The following AARS1 variants were observed in gnomAD, a reference collection of about 807,000 sequenced individuals.
AARS1 encodes the protein alanyl-tRNA synthetase 1.
AARS1 carries 72 observed loss-of-function variants against 108.9 expected under a neutral mutation model. The observed-to-expected ratio is 0.66, with a 90% confidence interval of 0.55 to 0.80. The LOEUF (loss-of-function observed/expected upper bound fraction) is 0.80. AARS1 is among the 30% of genes least tolerant of loss of function. The pLI is 0.00. For missense variants in AARS1, 1,193 were observed against 1,233.2 expected, an observed-to-expected ratio of 0.97 and a Z score of 0.49; for synonymous variants, 489 against 465.7, an observed-to-expected ratio of 1.05 and a Z score of -0.64.
At chr16:70,256,098 A>G (rs533662867) in intron 15 of AARS1, among the ~76,000 whole-genome samples, 17 of 152,308 alleles carry the variant, frequency 1.1e-4, no homozygotes, top group Non-Finnish European at 2.4e-4. Context: ...CTAATATCCA[A>G]TACAGTCTTA....
rs748667794 is a variant in AARS1, at chr16:70,270,327, T to C, written c.685A>G (p.Ile229Val). 3 of 1,614,166 alleles carry C rather than the reference T, an allele frequency of 1.9e-6. No homozygotes were observed. Among genetic ancestry groups the C allele is most frequent in the South Asian group, 1.1e-5 (1 of 91,086 alleles). The change falls in exon 6 of 21, where the codon ATT (isoleucine) becomes GTT (valine). Residue 229 changes from isoleucine to valine, a missense_variant. By Grantham distance (29) the Ile-to-Val change is conservative (BLOSUM62 3). Coordinates refer to ENST00000261772, the MANE Select transcript of AARS1 (RefSeq NM_001605.3). ...CTTTTCTTGGGAAGAGGTTTCAGAA[T>C]GCCATCAGCTTCCCTGTATGATCCA... ...FIQYNREADG[I>V]LKPLPKKSID...
At chr16:70,276,737 T>C in intron 3 of AARS1, 106 bp from the exon 4 acceptor site, 1 of 1,342,242 alleles carries the variant, frequency 7.5e-7, no homozygotes, top group Non-Finnish European at 1.0e-6. Context: ...ACATGTTCAC[T>C]CTAAATTCAA....
At chr16:70,256,426 A>T (rs1413851926) in intron 15 of AARS1, among the ~76,000 whole-genome samples, 1 of 151,970 alleles carries the variant, frequency 6.6e-6, no homozygotes, top group Non-Finnish European at 1.5e-5. Context: ...TGCCTCAGCC[A>T]CCCAAGTAGC....
rs1223863638 is a variant in AARS1, at chr16:70,262,444, A to C, written c.1573T>G (p.Cys525Gly). Residue 525 changes from cysteine to glycine, a missense_variant, in exon 12 of 21, where the codon TGT (cysteine) becomes GGT (glycine). Cys to Gly is a radical substitution (Grantham distance 159, BLOSUM62 -3). Coordinates refer to ENST00000261772, the MANE Select transcript of AARS1 (RefSeq NM_001605.3). ...FVEEVSTGQE[C>G]GVVLDKTCFY... Reference sequence around the variant, plus strand: ...CAGGTCTTGTCCAGCACCACTCCACACTCCTGGCCTGTGGACACCTCTTCC... The same window carrying C: ...CAGGTCTTGTCCAGCACCACTCCACCCTCCTGGCCTGTGGACACCTCTTCC... The C allele has an allele frequency of 6.2e-7, 1 of 1,613,090 alleles. No individual in the cohort carries two copies. Among genetic ancestry groups the C allele is most frequent in the South Asian group, 1.1e-5 (1 of 91,006 alleles).
chr16:70,277,252 G>T, intron 2 of AARS1, 98 bp from the exon 3 acceptor site: 1 of 1,254,782 alleles, frequency 8.0e-7, no homozygotes, highest in Non-Finnish European at 1.2e-6. Flanking sequence ...TAACTGTGCA[G>T]TTCATGATTA....
chr16:70,284,477 C>T (rs1960792694), intron 1 of AARS1, among the ~76,000 whole-genome samples: 1 of 151,958 alleles, frequency 6.6e-6, no homozygotes, highest in South Asian at 2.1e-4. Context: ...TGGCAGGCGC[C>T]TGTAGTCCCA....
At chr16:70,287,230 G>C (rs1446460440) in intron 1 of AARS1, among the ~76,000 whole-genome samples, 2 of 134,542 alleles carry the variant, frequency 1.5e-5, no homozygotes, top group Non-Finnish European at 3.1e-5. Flanking sequence ...ACTCCAGCCT[G>C]GGCGACAGAG....
At chr16:70,281,950 G>C (rs1960706319) in intron 2 of AARS1, among the ~76,000 whole-genome samples, 1 of 152,068 alleles carries the variant, frequency 6.6e-6, no homozygotes, top group Non-Finnish European at 1.5e-5. Context: ...AGGAGATTGA[G>C]ACCATCCTGG....
At position 70,267,771 on chromosome 16, in the gene AARS1, C is replaced by G. The variant is rs1468385890; in HGVS notation, c.1110G>C (p.Met370Ile). The change falls in exon 9 of 21, where the codon ATG becomes ATC. Residue 370 changes from methionine to isoleucine, a missense_variant. Transcript: ENST00000261772. ...CTTCTTCATTAATGATGTCCTTCAC[C>G]ATGTCTGGGTCCTTCTTCAGCTCAG... The part of the protein sequence containing the change: ...AFPELKKDPD[M>I]VKDIINEEEV... The G allele has an allele frequency of 2.3e-5, 37 of 1,614,030 alleles. No individual in the cohort carries two copies. The highest frequency in any genetic ancestry group is 2.8e-5 in the Non-Finnish European group (33 of 1,180,034).
At chr16:70,277,758 CT>C (rs573677725) in intron 2 of AARS1, among the ~76,000 whole-genome samples, 599 of 137,722 alleles carry the variant, frequency 4.3e-3, no homozygotes, top group South Asian at 0.012. Context: ...CCACTAGACA[CT>C]TTTTTTTTTT....
intron 19 of AARS1, 49 bp downstream of exon 19, chr16:70,253,665 C>T: frequency 1.3e-6 from 2 of 1,592,404 alleles, no homozygotes; most frequent in Middle Eastern, 2.0e-4. Context: ...ATGTCAGCCA[C>T]CAGAGAGCTG....
chr16:70,273,536 A>G (rs538318109), intron 4 of AARS1, among the ~76,000 whole-genome samples: 2 of 152,138 alleles, frequency 1.3e-5, no homozygotes, highest in South Asian at 4.1e-4. Context: ...TGGGCAACAT[A>G]GCAAAACCCT....
Position 70,270,275 on chromosome 16 carries a change from C to A in AARS1, c.737G>T (p.Arg246Leu). 2 of 1,614,156 alleles carry A rather than the reference C, an allele frequency of 1.2e-6. No individual in the cohort carries two copies. The highest frequency in any genetic ancestry group is 1.7e-6 in the Non-Finnish European group (2 of 1,180,006). ...KSIDTGMGLERLVSVLQNKMS... is the reference protein window; with the variant it reads ...KSIDTGMGLELLVSVLQNKMS... ...CTTATTCTGCAGCACAGATACCAGT[C>A]GTTCCAGGCCCATCCCTGTGTCAAT... Residue 246 changes from arginine to leucine, a missense_variant, in exon 6 of 21, where the codon CGA (arginine) becomes CTA (leucine). Transcript: ENST00000261772.
intron 1 of AARS1, among the ~76,000 whole-genome samples, chr16:70,283,073 C>T (rs997347461): frequency 2.0e-5 from 3 of 152,238 alleles, no homozygotes; most frequent in African/African-American, 7.2e-5. Flanking sequence ...CGAGCATCTG[C>T]TCTGTGTCAG....
intron 15 of AARS1, among the ~76,000 whole-genome samples, chr16:70,257,310 T>C (rs1015401467): frequency 5.3e-5 from 8 of 151,586 alleles, no homozygotes; most frequent in Admixed American, 1.3e-4. Flanking sequence ...TCCCAGCTAC[T>C]TGGGAGGCTG....
intron 12 of AARS1, 60 bp from the exon 13 acceptor site, chr16:70,261,217 A>G (rs1291335045): frequency 4.7e-6 from 6 of 1,266,230 alleles, no homozygotes; most frequent in Admixed American, 1.8e-5. Context: ...AAATTTTCTT[A>G]TATTTTCAAT....
intron 20 of AARS1, 65 bp from the exon 21 acceptor site, chr16:70,252,971 A>C: frequency 6.5e-7 from 1 of 1,543,414 alleles, no homozygotes; most frequent in East Asian, 2.2e-5. Flanking sequence ...AATGCAGGGA[A>C]AGAAAGGATG....
chr16:70,269,910 G>T, intron 6 of AARS1, 147 bp from the exon 7 acceptor site: 1 of 1,132,698 alleles, frequency 8.8e-7, no homozygotes, highest in Non-Finnish European at 1.3e-6. Context: ...GTGACATTGG[G>T]GAAGTAGAGA....
chr16:70,257,178 G>T (rs905181613), intron 15 of AARS1, among the ~76,000 whole-genome samples: 2 of 152,138 alleles, frequency 1.3e-5, no homozygotes, highest in Non-Finnish European at 2.9e-5. Context: ...GAACCCTGGA[G>T]GTGGAGGTTG....
Sources: gnomAD v4.1 joint callset for allele counts (sites outside exome capture counted in the v4.1 genomes callset) on GRCh38, gnomAD v4.1.1 for gene constraint, MANE v1.5 for transcripts, NCBI Gene and HGNC (gene_info 2026-07-23, HGNC 2026-07-21) for gene names.